The following ZNF474 variants were observed in gnomAD, a reference collection of about 807,000 sequenced individuals.
ZNF474 encodes the protein zinc finger protein 474, also known as 4933409D10Rik.
For missense variants in ZNF474, 511 were observed against 433.8 expected (o/e 1.18, Z -1.58); for synonymous variants, 192 against 162.2 (o/e 1.18, Z -1.39).
rs772694832 is a variant in ZNF474 at position 122,152,767 on chromosome 5, C to T, written c.777C>T (p.His259=). Residue 259 remains histidine (H), a synonymous_variant, in exon 2 of 2, where the codon CAC becomes CAT. Coordinates refer to ENST00000296600, the MANE Select transcript of ZNF474 (RefSeq NM_207317.3). ...MENDRLPVEL[H]QPLPQKPQPL... ...ATGACCGGCTCCCTGTGGAGCTCCACCAGCCACTCCCACAGAAGCCTCAGC... is the reference window on the plus strand; with the variant it reads ...ATGACCGGCTCCCTGTGGAGCTCCATCAGCCACTCCCACAGAAGCCTCAGC... 3 of 1,614,172 alleles carry T rather than the reference C, an allele frequency of 1.9e-6. No homozygotes were observed. The highest frequency in any genetic ancestry group is 2.5e-6 in the Non-Finnish European group (3 of 1,180,038).
chr5:122,151,705 ATGTGTGTG>A lies in ZNF474; in HGVS notation c.-212-48_-212-41del, dbSNP rs145270704. On this transcript the variant is annotated intron_variant, in intron 1 of 1. Transcript: ENST00000296600. ...CACACACACACACAAAACAACCTAA[ATGTGTGTG>A]TGTGTGTGTGTGTGTGTGTGTGTGT... 7.3e-5 allele frequency: 15 copies of A among 206,104 alleles called. No homozygotes were observed. The East Asian group carries it at 1.0e-3, about 14-fold the overall frequency. 12.8% of individuals were successfully genotyped at this position (206,104 alleles called of 1,614,324 possible). A position where few individuals can be genotyped will look rare whatever the true frequency, so the allele number is the denominator to read the frequency against.
At chr5:122,139,996 C>T (rs1396300119) in intron 1 of ZNF474, among the ~76,000 whole-genome samples, 1 of 152,124 alleles carries the variant, frequency 6.6e-6, no homozygotes, top group East Asian at 1.9e-4. Flanking sequence ...ATTGGTGTCC[C>T]ATGAATGTAG....
chr5:122,136,973 T>C (rs548307969), intron 1 of ZNF474, among the ~76,000 whole-genome samples: 107 of 152,298 alleles, frequency 7.0e-4, no homozygotes, highest in Admixed American at 2.1e-3. Flanking sequence ...AAGTCTCTAT[T>C]GTCTCGAAGT....
chr5:122,132,788 G>C (rs1345992883), intron 1 of ZNF474, among the ~76,000 whole-genome samples: 1 of 152,116 alleles, frequency 6.6e-6, no homozygotes, highest in Non-Finnish European at 1.5e-5. Context: ...AAAATGAATT[G>C]ATCATGTATG....
chr5:122,145,999 A>G (rs1755979412), intron 1 of ZNF474, among the ~76,000 whole-genome samples: 1 of 152,154 alleles, frequency 6.6e-6, no homozygotes, highest in Non-Finnish European at 1.5e-5. Context: ...GGTTTTACAA[A>G]TTTGGTTGGA....
chr5:122,133,243 A>G (rs528622961), intron 1 of ZNF474, among the ~76,000 whole-genome samples: 206 of 152,338 alleles, frequency 1.4e-3, no homozygotes, highest in Middle Eastern at 3.4e-3. Flanking sequence ...GACAGGAAAA[A>G]GCAGGAGGAG....
intron 1 of ZNF474, among the ~76,000 whole-genome samples, chr5:122,139,792 C>T (rs1302274305): frequency 2.0e-5 from 3 of 152,148 alleles, no homozygotes; most frequent in African/African-American, 2.4e-5. Context: ...CACATCTGCA[C>T]GTTCCTGCCC....
At chr5:122,145,815 A>T (rs187274236) in intron 1 of ZNF474, among the ~76,000 whole-genome samples, 97 of 152,344 alleles carry the variant, frequency 6.4e-4, no homozygotes, top group African/African-American at 2.1e-3. Flanking sequence ...AGTAATATGC[A>T]GCTTGAATAT....
chr5:122,141,172 TTTTG>T (rs1426125188), intron 1 of ZNF474, among the ~76,000 whole-genome samples: 4,491 of 31,400 alleles, frequency 0.14, 242 homozygotes, highest in East Asian at 0.29. Flanking sequence ...TTTATTTTAT[TTTTG>T]GAAACAGTCT....
chr5:122,131,481 AAAG>A (rs1472514510), intron 1 of ZNF474, among the ~76,000 whole-genome samples: 1 of 152,158 alleles, frequency 6.6e-6, no homozygotes, highest in Non-Finnish European at 1.5e-5. Context: ...GAACCTTAAA[AAAG>A]AAGAAAATAC....
In ZNF474 at chr5:122,152,293, C is replaced by T. The variant is rs1380669121; in HGVS notation, c.303C>T (p.Gly101=). 6.2e-7 allele frequency: 1 copy of T among 1,614,174 alleles called. No homozygotes were observed. Among genetic ancestry groups the T allele is most frequent in the African/African-American group, 1.3e-5 (1 of 75,034 alleles). ...RPGFRVCYIC[G]REFGSQSIAI... The stretch of plus-strand genomic sequence containing the variant: ...GATTCCGGGTATGCTATATCTGTGG[C>T]CGAGAATTTGGGTCCCAGTCAATTG... The change falls in exon 2 of 2, where the codon GGC becomes GGT. Residue 101 remains glycine, a synonymous_variant. Coordinates refer to ENST00000296600, the MANE Select transcript of ZNF474 (RefSeq NM_207317.3).
chr5:122,144,220 A>T (rs1755926144), intron 1 of ZNF474, among the ~76,000 whole-genome samples: 1 of 152,150 alleles, frequency 6.6e-6, no homozygotes, highest in African/African-American at 2.4e-5. Context: ...TTACTAATAA[A>T]TATGTTGTAT....
rs760436354 is a variant in ZNF474, at chr5:122,152,435, A to G, written c.445A>G (p.Ser149Gly). Reference sequence around the variant, plus strand: ...GTCTCTCAGCAGCAGTGGGTCCTACAGTCTTCAGGCAACTAACGAGGCTGC... The same window carrying G: ...GTCTCTCAGCAGCAGTGGGTCCTACGGTCTTCAGGCAACTAACGAGGCTGC... ...PQSLSSSGSY[S>G]LQATNEAAFQ... Residue 149 changes from serine to glycine, a missense_variant, in exon 2 of 2, where the codon AGT becomes GGT. Ser to Gly is a moderately conservative substitution (Grantham distance 56). Transcript: ENST00000296600. 3 of 1,614,058 alleles carry G rather than the reference A, an allele frequency of 1.9e-6. No homozygotes were observed. The highest frequency in any genetic ancestry group is 2.7e-5 in the African/African-American group (2 of 74,928).
intron 1 of ZNF474, among the ~76,000 whole-genome samples, chr5:122,133,186 T>C (rs1221166005): frequency 1.3e-5 from 2 of 152,258 alleles, no homozygotes; most frequent in Non-Finnish European, 2.9e-5. Context: ...TTTGTTAATT[T>C]ATTCAGTAAT....
At chr5:122,148,110 T>C (rs1301896591) in intron 1 of ZNF474, 2 of 152,258 alleles carry the variant, frequency 1.3e-5, no homozygotes, top group Non-Finnish European at 2.9e-5. Context: ...TTTAAGTATA[T>C]GCATTTAGTA....
chr5:122,142,599 C>T (rs1561440191), intron 1 of ZNF474, among the ~76,000 whole-genome samples: 1 of 152,128 alleles, frequency 6.6e-6, no homozygotes, highest in Non-Finnish European at 1.5e-5. Flanking sequence ...TGGTTTTCTC[C>T]AGCAGTGGAT....
chr5:122,148,931 T>C (rs936369137), intron 1 of ZNF474, among the ~76,000 whole-genome samples: 5 of 152,048 alleles, frequency 3.3e-5, no homozygotes, highest in East Asian at 1.9e-4. Context: ...GGATTCACCA[T>C]GCTGGCCAGG....
At chr5:122,147,940 A>G (rs1756033562) in intron 1 of ZNF474, 1 of 152,242 alleles carries the variant, frequency 6.6e-6, no homozygotes, top group East Asian at 1.9e-4. Flanking sequence ...TAAATGTCCT[A>G]TGTGCAGATA....
At position 122,152,892 on chromosome 5, in the gene ZNF474, T is replaced by C. The variant is rs746976125; in HGVS notation, c.902T>C (p.Val301Ala). 12 of 1,614,014 alleles carry C rather than the reference T, an allele frequency of 7.4e-6. No individual in the cohort carries two copies. In the East Asian group the frequency reaches 2.7e-4, roughly 36 times the overall value. Reference protein sequence around the residue: ...SRIFTSDRLLVHQRSCKTHPY... With the variant: ...SRIFTSDRLLAHQRSCKTHPY... Reference sequence around the variant, plus strand: ...ATCTTTACCTCAGACCGCCTCCTGGTACACCAGAGAAGTTGTAAAACTCAT... The same window carrying C: ...ATCTTTACCTCAGACCGCCTCCTGGCACACCAGAGAAGTTGTAAAACTCAT... Residue 301 changes from valine to alanine, a missense_variant, in exon 2 of 2, where the codon GTA becomes GCA. Coordinates refer to ENST00000296600, the MANE Select transcript of ZNF474 (RefSeq NM_207317.3).
Sources: gnomAD v4.1 joint callset for allele counts (sites outside exome capture counted in the v4.1 genomes callset) on GRCh38, gnomAD v4.1.1 for gene constraint, MANE v1.5 for transcripts, NCBI Gene and HGNC (gene_info 2026-07-23, HGNC 2026-07-21) for gene names.